Variants in ASIC2 observed in about 807,000 individuals in gnomAD.
The protein encoded by ASIC2 is acid sensing ion channel subunit 2, also known as acid-sensing ion channel 2.
A neutral mutation model predicts 57.3 loss-of-function variants in ASIC2; 25 were observed. That is an observed-to-expected ratio of 0.44 (90% confidence interval 0.32 to 0.61). The LOEUF (loss-of-function observed/expected upper bound fraction) is 0.61, where lower values mean the gene tolerates loss of function less well. ASIC2 is among the 20% of genes least tolerant of loss of function. The pLI, the probability that ASIC2 is intolerant of heterozygous loss-of-function variation, is 0.06. For missense variants in ASIC2, 641 were observed against 738.1 expected, an observed-to-expected ratio of 0.87 and a Z score of 1.52; for synonymous variants, 319 against 307.5, an observed-to-expected ratio of 1.04 and a Z score of -0.39.
intron 3 of ASIC2, among the ~76,000 whole-genome samples, chr17:33,043,434 C>G (rs996649810): frequency 6.6e-6 from 1 of 152,192 alleles, no homozygotes; most frequent in African/African-American, 2.4e-5. Context: ...AATAGATAAC[C>G]TGTTGTGTAG....
At chr17:33,314,494 T>C (rs1382731108) in intron 1 of ASIC2, among the ~76,000 whole-genome samples, 2 of 152,184 alleles carry the variant, frequency 1.3e-5, no homozygotes, top group Non-Finnish European at 2.9e-5. Context: ...TGTACATCAC[T>C]GTGCAGAAGA....
intron 1 of ASIC2, among the ~76,000 whole-genome samples, chr17:33,909,148 G>T (rs1476012027): frequency 1.3e-5 from 2 of 152,148 alleles, no homozygotes. Context: ...GAAGGCAGAG[G>T]CATCTCCATA....
chr17:33,617,003 G>A (rs12185267), intron 1 of ASIC2, among the ~76,000 whole-genome samples: 56,899 of 151,840 alleles, frequency 0.37, 10,860 homozygotes, highest in East Asian at 0.49. Flanking sequence ...GTAAACCTCT[G>A]TTGCCCTATA....
chr17:33,029,803 C>A (rs1338205070), intron 3 of ASIC2, among the ~76,000 whole-genome samples: 1 of 152,200 alleles, frequency 6.6e-6, no homozygotes, highest in Non-Finnish European at 1.5e-5. Flanking sequence ...TGGACTTCGT[C>A]CACCTTTTTG....
At chr17:33,114,078 A>AG (rs1234101870) in intron 1 of ASIC2, among the ~76,000 whole-genome samples, 3 of 152,216 alleles carry the variant, frequency 2.0e-5, no homozygotes, top group African/African-American at 7.2e-5. Flanking sequence ...ACCTGTAGGA[A>AG]GGGGTAGTGA....
chr17:34,065,061 G>A (rs975306955), intron 1 of ASIC2, among the ~76,000 whole-genome samples: 1 of 152,082 alleles, frequency 6.6e-6, no homozygotes, highest in Admixed American at 6.5e-5. Flanking sequence ...ATTATTTGAA[G>A]AACATACTTG....
intron 1 of ASIC2, among the ~76,000 whole-genome samples, chr17:33,592,477 C>G (rs1468671982): frequency 6.6e-6 from 1 of 152,248 alleles, no homozygotes; most frequent in Non-Finnish European, 1.5e-5. Context: ...TCAGCATTGT[C>G]TATAGTGAGT....
chr17:33,188,448 T>C (rs1014589418), intron 1 of ASIC2, among the ~76,000 whole-genome samples: 3 of 152,132 alleles, frequency 2.0e-5, no homozygotes, highest in African/African-American at 7.2e-5. Context: ...TAAACCCATA[T>C]AGATGCAAAG....
chr17:33,231,362 C>T (rs1254966392), intron 1 of ASIC2, among the ~76,000 whole-genome samples: 1 of 152,126 alleles, frequency 6.6e-6, no homozygotes, highest in African/African-American at 2.4e-5. Context: ...GGAGTCTGGT[C>T]TGGGGAAGGG....
intron 1 of ASIC2, among the ~76,000 whole-genome samples, chr17:33,273,657 C>T (rs1904594716): frequency 6.6e-6 from 1 of 152,250 alleles, no homozygotes; most frequent in Non-Finnish European, 1.5e-5. Context: ...AAGCCATCCT[C>T]TCAATTCATT....
At chr17:33,330,177 G>T (rs1907254198) in intron 1 of ASIC2, among the ~76,000 whole-genome samples, 1 of 152,184 alleles carries the variant, frequency 6.6e-6, no homozygotes, top group African/African-American at 2.4e-5. Flanking sequence ...AGTCAGTGCT[G>T]CTCATTCTGA....
intron 1 of ASIC2, among the ~76,000 whole-genome samples, chr17:33,669,611 C>A (rs936521113): frequency 3.9e-5 from 6 of 152,168 alleles, no homozygotes; most frequent in African/African-American, 1.4e-4. Context: ...CTTGTGTTAA[C>A]CCCCTGCCCC....
chr17:33,881,879 C>A (rs1017795339), intron 1 of ASIC2, among the ~76,000 whole-genome samples: 1 of 152,142 alleles, frequency 6.6e-6, no homozygotes, highest in South Asian at 2.1e-4. Context: ...GCTACAGTAA[C>A]CAACACAGCA....
chr17:33,192,938 T>C (rs931570526), intron 1 of ASIC2, among the ~76,000 whole-genome samples: 4 of 152,172 alleles, frequency 2.6e-5, no homozygotes, highest in Non-Finnish European at 4.4e-5. Context: ...TGGCCATACA[T>C]ATTTTTACTT....
At chr17:33,165,884 T>C (rs1391791215) in intron 1 of ASIC2, among the ~76,000 whole-genome samples, 1 of 152,176 alleles carries the variant, frequency 6.6e-6, no homozygotes, top group African/African-American at 2.4e-5. Flanking sequence ...CAACCAATCA[T>C]TCACTCAGTA....
At chr17:33,515,062 A>T (rs1914526386) in intron 1 of ASIC2, among the ~76,000 whole-genome samples, 1 of 152,220 alleles carries the variant, frequency 6.6e-6, no homozygotes, top group African/African-American at 2.4e-5. Context: ...GCCAGTAAGT[A>T]TTTAGTGAAT....
At chr17:33,050,502 C>T (rs534094124) in intron 3 of ASIC2, among the ~76,000 whole-genome samples, 38 of 152,302 alleles carry the variant, frequency 2.5e-4, no homozygotes, top group African/African-American at 7.7e-4. Flanking sequence ...GCCTATCCCA[C>T]TTCCCTCTTC....
intron 1 of ASIC2, among the ~76,000 whole-genome samples, chr17:33,127,261 G>A (rs2092327531): frequency 6.6e-6 from 1 of 152,150 alleles, no homozygotes; most frequent in South Asian, 2.1e-4. Context: ...CAAGTCAGGG[G>A]CAGACGTGGG....
intron 1 of ASIC2, among the ~76,000 whole-genome samples, chr17:33,836,001 T>A (rs897488268): frequency 1.3e-5 from 2 of 151,168 alleles, no homozygotes; most frequent in Admixed American, 6.6e-5. Flanking sequence ...AGGCTAATAA[T>A]TATGTCTATC....
Sources: gnomAD v4.1 joint callset for allele counts (sites outside exome capture counted in the v4.1 genomes callset) on GRCh38, gnomAD v4.1.1 for gene constraint, MANE v1.5 for transcripts, NCBI Gene and HGNC (gene_info 2026-07-23, HGNC 2026-07-21) for gene names.